The following ENTREP2 variants were observed in gnomAD, a reference collection of about 807,000 sequenced individuals.
ENTREP2 encodes endosomal transmembrane epsin interactor 2, also known as protein ENTREP2.
the ENTREP2 span, among the ~76,000 whole-genome samples, chr15:29,408,184 C>T: frequency 1.5e-3 from 221 of 152,288 alleles, no homozygotes; most frequent in African/African-American, 5.1e-3. Flanking sequence ...TCAGCAGATA[C>T]TGGCAAGGAC....
At chr15:29,555,287 TA>T in the ENTREP2 span, among the ~76,000 whole-genome samples, 236 of 152,308 alleles carry the variant, frequency 1.5e-3, 1 homozygote, top group African/African-American at 5.3e-3. Context: ...GTACAACTTT[TA>T]CTTTTGTCCT....
At chr15:29,171,664 G>A in the ENTREP2 span, among the ~76,000 whole-genome samples, 2 of 151,936 alleles carry the variant, frequency 1.3e-5, no homozygotes, top group Non-Finnish European at 2.9e-5. Context: ...AGGCGATTAG[G>A]TACTCATAAA....
At chr15:29,176,049 G>T in the ENTREP2 span, among the ~76,000 whole-genome samples, 1 of 152,268 alleles carries the variant, frequency 6.6e-6, no homozygotes, top group African/African-American at 2.4e-5. Context: ...AAAGAATGAA[G>T]AGACACTGGT....
At chr15:29,173,414 G>A in the ENTREP2 span, among the ~76,000 whole-genome samples, 7 of 152,212 alleles carry the variant, frequency 4.6e-5, no homozygotes, top group African/African-American at 7.2e-5. Flanking sequence ...TCCCCTGGAC[G>A]GAAGCCTCAG....
chr15:29,600,478 A>ATCATCG, the ENTREP2 span, among the ~76,000 whole-genome samples: 10 of 151,398 alleles, frequency 6.6e-5, no homozygotes, highest in Admixed American at 5.9e-4. Flanking sequence ...ATCAATCATC[A>ATCATCG]TCATCGTCAT....
chr15:29,415,741 C>T, the ENTREP2 span, among the ~76,000 whole-genome samples: 2 of 152,128 alleles, frequency 1.3e-5, no homozygotes, highest in East Asian at 1.9e-4. Context: ...GATTGTATAT[C>T]TAGAAAACCC....
chr15:29,504,300 T>C, the ENTREP2 span, among the ~76,000 whole-genome samples: 1 of 152,164 alleles, frequency 6.6e-6, no homozygotes, highest in Non-Finnish European at 1.5e-5. Flanking sequence ...AAGGGCACTC[T>C]ATAGAGGAGT....
chr15:29,159,592 G>A, the ENTREP2 span, among the ~76,000 whole-genome samples: 12 of 152,262 alleles, frequency 7.9e-5, no homozygotes, highest in East Asian at 5.8e-4. Context: ...TGATTGGTGC[G>A]TTTATAATTC....
At chr15:29,607,764 G>T in the ENTREP2 span, among the ~76,000 whole-genome samples, 1 of 151,064 alleles carries the variant, frequency 6.6e-6, no homozygotes, top group Non-Finnish European at 1.5e-5. Context: ...AACAAGTCAG[G>T]GTTCCCTAGG....
chr15:29,609,851 A>G, the ENTREP2 span: 1 of 150,486 alleles, frequency 6.6e-6, no homozygotes, highest in African/African-American at 2.4e-5. Flanking sequence ...GGTGCTCAAA[A>G]ATATTTGCTA....
the ENTREP2 span, among the ~76,000 whole-genome samples, chr15:29,154,384 TTGA>T: frequency 3.9e-5 from 6 of 152,142 alleles, no homozygotes; most frequent in Non-Finnish European, 8.8e-5. Context: ...GAGGGTAAAC[TTGA>T]TGGAGTTTTA....
At chr15:29,631,784 GAACTTGCTGCCAACAGCTGCCAAC>G in the ENTREP2 span, among the ~76,000 whole-genome samples, 2 of 152,222 alleles carry the variant, frequency 1.3e-5, no homozygotes, top group African/African-American at 2.4e-5. Context: ...AGTAGGGAAG[GAACTTGCTGCCAACAGCTGCCAAC>G]AACTTGCTGC....
chr15:29,639,328 T>C, the ENTREP2 span, among the ~76,000 whole-genome samples: 1 of 152,222 alleles, frequency 6.6e-6, no homozygotes, highest in Admixed American at 6.5e-5. Flanking sequence ...GCCATACTTA[T>C]CATAATTATC....
the ENTREP2 span, among the ~76,000 whole-genome samples, chr15:29,475,938 A>C: frequency 2.6e-5 from 4 of 152,200 alleles, no homozygotes; most frequent in Admixed American, 1.3e-4. Context: ...TGTTCATAGT[A>C]AGATCTGCTC....
chr15:29,253,978 A>G, the ENTREP2 span, among the ~76,000 whole-genome samples: 1 of 152,094 alleles, frequency 6.6e-6, no homozygotes, highest in African/African-American at 2.4e-5. Context: ...AGGCTTTAAA[A>G]TAATTTTAAA....
At chr15:29,400,308 C>CA in the ENTREP2 span, among the ~76,000 whole-genome samples, 139 of 152,118 alleles carry the variant, frequency 9.1e-4, no homozygotes, top group Non-Finnish European at 1.8e-3. Flanking sequence ...TAATGGTAAG[C>CA]AAAAAGGCAG....
the ENTREP2 span, among the ~76,000 whole-genome samples, chr15:29,133,472 G>A: frequency 6.6e-6 from 1 of 152,136 alleles, no homozygotes; most frequent in Non-Finnish European, 1.5e-5. Flanking sequence ...CCCTGCGCAC[G>A]TGCCGTCCAC....
At chr15:29,395,223 G>A in the ENTREP2 span, among the ~76,000 whole-genome samples, 6 of 151,910 alleles carry the variant, frequency 3.9e-5, no homozygotes, top group South Asian at 4.2e-4. Flanking sequence ...TATTCTGTAC[G>A]TATAGACCTC....
the ENTREP2 span, among the ~76,000 whole-genome samples, chr15:29,673,174 T>G: frequency 1.3e-5 from 2 of 152,190 alleles, no homozygotes; most frequent in Non-Finnish European, 2.9e-5. Flanking sequence ...GCAGTGAGGA[T>G]GACCACAGCT....
Sources: allele counts gnomAD v4.1 joint callset (sites outside exome capture counted in the v4.1 genomes callset), GRCh38; gene constraint gnomAD v4.1.1; transcripts MANE v1.5; gene names NCBI Gene and HGNC (gene_info 2026-07-23, HGNC 2026-07-21).